NPLOC4: variants seen among roughly 807,000 people sequenced by gnomAD.
The protein encoded by NPLOC4 is nuclear protein localization protein 4 homolog.
A neutral mutation model predicts 80.6 loss-of-function variants in NPLOC4; 18 were observed. That is an observed-to-expected ratio of 0.22 (90% CI 0.15 to 0.33). The LOEUF is 0.33. NPLOC4 is among the 10% of genes least tolerant of loss of function. NPLOC4 has a pLI of 1.00. For missense variants in NPLOC4, 540 were observed against 786.1 expected, an observed-to-expected ratio of 0.69 and a Z score of 3.74; for synonymous variants, 313 against 301.5, an observed-to-expected ratio of 1.04 and a Z score of -0.39.
At chr17:81,612,336 G>C (rs2035363817) in intron 4 of NPLOC4, among the ~76,000 whole-genome samples, 1 of 152,120 alleles carries the variant, frequency 6.6e-6, no homozygotes, top group African/African-American at 2.4e-5. Flanking sequence ...TCTAAGTGAT[G>C]ATGGCTCAGA....
intron 7 of NPLOC4, among the ~76,000 whole-genome samples, chr17:81,605,368 C>A (rs946728500): frequency 6.7e-6 from 1 of 150,050 alleles, no homozygotes; most frequent in African/African-American, 2.4e-5. Context: ...AAAAACCAGT[C>A]AGGCACGGTG....
chr17:81,589,401 C>T (rs753758674), intron 11 of NPLOC4, among the ~76,000 whole-genome samples: 4 of 151,806 alleles, frequency 2.6e-5, no homozygotes, highest in African/African-American at 9.7e-5. Context: ...CGGTGGCGGG[C>T]GCCTGTAGTC....
At chr17:81,628,032 G>A (rs1008263216) in intron 2 of NPLOC4, among the ~76,000 whole-genome samples, 1 of 151,686 alleles carries the variant, frequency 6.6e-6, no homozygotes, top group Non-Finnish European at 1.5e-5. Flanking sequence ...CTAACATGGT[G>A]AAATCCCGTC....
At chr17:81,627,482 G>A (rs1033129301) in intron 2 of NPLOC4, among the ~76,000 whole-genome samples, 1 of 152,150 alleles carries the variant, frequency 6.6e-6, no homozygotes, top group African/African-American at 2.4e-5. Context: ...GCTCACGCCT[G>A]TAACCCCAGC....
intron 2 of NPLOC4, among the ~76,000 whole-genome samples, chr17:81,624,960 G>C (rs2035761058): frequency 6.6e-6 from 1 of 152,234 alleles, no homozygotes; most frequent in African/African-American, 2.4e-5. Flanking sequence ...CAGACGAAAG[G>C]CAGGGGGAAT....
At chr17:81,591,667 A>G (rs2034748109) in intron 11 of NPLOC4, among the ~76,000 whole-genome samples, 1 of 152,158 alleles carries the variant, frequency 6.6e-6, no homozygotes, top group Non-Finnish European at 1.5e-5. Context: ...CCCTTTCCAC[A>G]TGCAGCAGCA....
rs1054547697 is a variant in NPLOC4 at position 81,567,728 on chromosome 17, CAAG to C, written c.1450-198_1450-196del. Among the ~76,000 whole-genome samples the C allele has an allele frequency of 1.7e-4, 26 of 152,262 alleles. No homozygotes were observed. Among genetic ancestry groups the C allele is most frequent in the South Asian group, 1.2e-3 (6 of 4,814 alleles). The stretch of plus-strand genomic sequence containing the variant: ...AAAGCAAGCTCTTGCTCTCTTCTCC[CAAG>C]AAGATGCTCTCAGCACACCTGACTA... On this transcript the variant is annotated intron_variant, in intron 14 of 16. Coordinates refer to ENST00000331134, the MANE Select transcript of NPLOC4 (RefSeq NM_017921.4). This position sits in a 1 kb window ranked among gnomAD's most constrained non-coding sequence, Gnocchi z 4.5.
chr17:81,602,719 A>G (rs2144207063), intron 8 of NPLOC4, among the ~76,000 whole-genome samples: 1 of 151,640 alleles, frequency 6.6e-6, no homozygotes, highest in Admixed American at 6.6e-5. Context: ...AAAAAAAAAA[A>G]AAAAATCAAA....
chr17:81,636,704 C>A (rs1318216238), intron 1 of NPLOC4, among the ~76,000 whole-genome samples: 2 of 152,036 alleles, frequency 1.3e-5, no homozygotes, highest in Non-Finnish European at 2.9e-5. Flanking sequence ...GAACCGGGGT[C>A]GTAAGTCCCC....
chr17:81,575,358 C>T (rs2034270644), intron 12 of NPLOC4, among the ~76,000 whole-genome samples: 1 of 152,212 alleles, frequency 6.6e-6, no homozygotes, highest in African/African-American at 2.4e-5. Flanking sequence ...GCCTTGGCCT[C>T]CCAAAGTGCT....
chr17:81,572,650 C>T lies in NPLOC4; in HGVS notation c.1282-562G>A, dbSNP rs2034191883. On this transcript the variant is annotated intron_variant, in intron 12 of 16. Transcript: ENST00000331134. The surrounding 1 kb of genome is among the most constrained non-coding windows in gnomAD (Gnocchi z 4.5). Reference sequence around the variant, plus strand: ...TGCTCTCGGGCACTGGGACTCCCCACTGGGAGAGCACATCAAATGCCTCCT... The same window carrying T: ...TGCTCTCGGGCACTGGGACTCCCCATTGGGAGAGCACATCAAATGCCTCCT... Among the ~76,000 whole-genome samples, 1 of 152,246 alleles carries T rather than the reference C, an allele frequency of 6.6e-6. No homozygotes were observed. The highest frequency in any genetic ancestry group is 6.5e-5 in the Admixed American group (1 of 15,276).
chr17:81,571,937 G>A (rs2034171147), intron 13 of NPLOC4, 80 bp downstream of exon 13: 3 of 1,044,238 alleles, frequency 2.9e-6, no homozygotes, highest in Admixed American at 2.4e-5. Flanking sequence ...CTCCTCCCTT[G>A]AGCAGCCACC....
At chr17:81,631,436 A>ATTT (rs70938164) in intron 1 of NPLOC4, among the ~76,000 whole-genome samples, 4 of 117,070 alleles carry the variant, frequency 3.4e-5, no homozygotes, top group Admixed American at 8.7e-5. Flanking sequence ...ATATATATAT[A>ATTT]TTTTTTTTTT....
chr17:81,627,269 G>A (rs967486868), intron 2 of NPLOC4, among the ~76,000 whole-genome samples: 3 of 151,946 alleles, frequency 2.0e-5, no homozygotes, highest in Non-Finnish European at 4.4e-5. Flanking sequence ...GCGGGTGCCT[G>A]TAGTCCCAGC....
chr17:81,597,783 C>CA (rs533038308), intron 9 of NPLOC4, among the ~76,000 whole-genome samples: 17,753 of 86,658 alleles, frequency 0.2, 1,637 homozygotes, highest in Admixed American at 0.3. Flanking sequence ...AACTCCATCT[C>CA]AAAAAAAAAA....
At chr17:81,626,073 T>C (rs768234115) in intron 2 of NPLOC4, among the ~76,000 whole-genome samples, 1 of 148,570 alleles carries the variant, frequency 6.7e-6, no homozygotes, top group Non-Finnish European at 1.5e-5. Flanking sequence ...CGCTTGAACC[T>C]GGGAGGTGGA....
intron 14 of NPLOC4, among the ~76,000 whole-genome samples, chr17:81,568,375 CTGGGCGGA>C (rs1453909345): frequency 6.6e-6 from 1 of 152,226 alleles, no homozygotes. Context: ...CCCAAGTCCC[CTGGGCGGA>C]TGGGCACTGA....
chr17:81,604,417 T>A lies in NPLOC4; in HGVS notation c.834+131A>T. 4.1e-6 allele frequency: 3 copies of A among 733,510 alleles called. No individual in the cohort carries two copies. In the South Asian group the frequency reaches 6.1e-5, roughly 15 times the overall value. The allele number at this position is 733,510 out of a possible 1,614,324, so 45.4% of individuals were successfully genotyped here. A position where few individuals can be genotyped will look rare whatever the true frequency, so the allele number is the denominator to read the frequency against. ...CACTCTCCAATAACTCAGAAAATGT[T>A]GTGCACGTGCACCGGTGTGTGACAA... is the stretch of plus-strand genomic sequence containing the variant. On this transcript the variant is annotated intron_variant, in intron 8 of 16. Transcript: ENST00000331134.
intron 16 of NPLOC4, among the ~76,000 whole-genome samples, 200 bp from the exon 17 acceptor site, chr17:81,559,616 C>T (rs1328476356): frequency 1.3e-5 from 2 of 152,172 alleles, no homozygotes; most frequent in African/African-American, 4.8e-5. Flanking sequence ...CCTCCTGCAC[C>T]ACAGGGAGTA....
Sources: allele counts gnomAD v4.1 joint callset (sites outside exome capture counted in the v4.1 genomes callset), GRCh38; gene constraint gnomAD v4.1.1; non-coding constraint Gnocchi (gnomAD v3.1); transcripts MANE v1.5; gene names NCBI Gene and HGNC (gene_info 2026-07-23, HGNC 2026-07-21).